Variants in NF1 observed in about 807,000 individuals in gnomAD.
NF1 encodes neurofibromin.
NF1 carries 122 observed loss-of-function variants against 325.7 expected under a neutral mutation model. The ratio of observed to expected loss-of-function variants is 0.37; its 90% CI spans 0.32 to 0.44. The LOEUF is 0.44. Among genes scored for constraint, NF1 ranks in the 20% least tolerant of loss-of-function variants. NF1 has a pLI of 1.00. For missense variants in NF1, 2,140 were observed against 3,415.4 expected (o/e 0.63, Z 9.31); for synonymous variants, 1,091 against 1,186.0 (o/e 0.92, Z 1.65).
intron 57 of NF1, 145 bp from the exon 58 acceptor site, chr17:31,373,868 G>A (rs982812636): frequency 5.0e-6 from 5 of 997,242 alleles, no homozygotes; most frequent in East Asian, 2.6e-5. Context: ...GTTCATGTAA[G>A]TACACTCCAC....
At position 31,282,105 on chromosome 17, in the gene NF1, G is replaced by A. The variant is rs144792431; in HGVS notation, c.4835+16766G>A. ...TTTTTTAAGTATACAATTTTGGGCCGGGCGTGGTGGTTCACGCCTGTAATC... is the reference window on the plus strand; with the variant it reads ...TTTTTTAAGTATACAATTTTGGGCCAGGCGTGGTGGTTCACGCCTGTAATC... On this transcript the variant is annotated intron_variant, in intron 36 of 57. Coordinates refer to ENST00000358273, the MANE Select transcript of NF1 (RefSeq NM_001042492.3). Among the ~76,000 whole-genome samples the A allele has an allele frequency of 4.5e-3, 683 of 151,780 alleles. 7 individuals are homozygous for A. Among genetic ancestry groups the A allele is most frequent in the African/African-American group, 0.016 (650 of 41,370 alleles).
chr17:31,129,063 A>C (rs151102599), intron 1 of NF1, among the ~76,000 whole-genome samples: 10 of 151,794 alleles, frequency 6.6e-5, no homozygotes, highest in African/African-American at 2.4e-4. Context: ...CACCTTTAAC[A>C]TTTTTTTCTT....
rs1555613555 is a variant in NF1 at position 31,225,117 on chromosome 17, A to G, written c.1868A>G (p.His623Arg). The change falls in exon 17 of 58, where the codon CAC becomes CGC. Residue 623 changes from histidine (H) to arginine (R), a missense_variant. His to Arg is a conservative substitution (Grantham distance 29). Coordinates refer to ENST00000358273, the MANE Select transcript of NF1 (RefSeq NM_001042492.3). The part of the protein sequence containing the change: ...KNKQADRSSC[H>R]FLLFYGVGCD... ...TAGCAGGCAGATAGAAGTTCCTGTC[A>G]CTTTCTCCTTTTTTACGGGGTAGGA... 1.2e-6 allele frequency: 2 copies of G among 1,613,680 alleles called. No homozygotes were observed. The highest frequency in any genetic ancestry group is 8.5e-7 in the Non-Finnish European group (1 of 1,179,716).
intron 27 of NF1, among the ~76,000 whole-genome samples, chr17:31,234,836 A>G (rs2067173912): frequency 6.6e-6 from 1 of 152,156 alleles, no homozygotes; most frequent in Admixed American, 6.5e-5. Flanking sequence ...GCTATGAGCC[A>G]TGATCCTGGC....
chr17:31,270,817 G>A (rs2067880309), intron 36 of NF1, among the ~76,000 whole-genome samples: 1 of 152,112 alleles, frequency 6.6e-6, no homozygotes, highest in Non-Finnish European at 1.5e-5. Context: ...AACCTTCTGA[G>A]ATATTATTAA....
chr17:31,243,115 C>A (rs547171207), intron 29 of NF1, among the ~76,000 whole-genome samples: 5 of 152,166 alleles, frequency 3.3e-5, no homozygotes, highest in African/African-American at 1.2e-4. Flanking sequence ...GGTTATCAAA[C>A]AGACTCTTGT....
At chr17:31,367,750 A>G (rs923670366) in intron 57 of NF1, among the ~76,000 whole-genome samples, 1 of 152,166 alleles carries the variant, frequency 6.6e-6, no homozygotes, top group African/African-American at 2.4e-5. Context: ...GCCTATAATC[A>G]CAGCACTTTG....
In NF1 at chr17:31,332,922, G is replaced by GT. The variant is rs1385473844; in HGVS notation, c.5813-1910dup. On this transcript the variant is annotated intron_variant, in intron 39 of 57. Coordinates refer to ENST00000358273, the MANE Select transcript of NF1 (RefSeq NM_001042492.3). ...AGGATATGAACTCATCATTTTTTAT[G>GT]TTTTTTAAAAAAGAATATTTGTACA... Among the ~76,000 whole-genome samples the GT allele has an allele frequency of 4.8e-5, 2 of 41,692 alleles. 1 individual carries two copies. Among genetic ancestry groups the GT allele is most frequent in the Non-Finnish European group, 2.0e-4 (2 of 9,824 alleles). The allele number at this position is 41,692 out of a possible 152,430, so 27.4% of individuals were successfully genotyped here.
chr17:31,217,849 C>G (rs1448550189), intron 13 of NF1, among the ~76,000 whole-genome samples: 1 of 150,366 alleles, frequency 6.7e-6, no homozygotes, highest in East Asian at 2.0e-4. Context: ...CCTGTAATCC[C>G]AGCTACTCGG....
In NF1 at chr17:31,235,623, C is replaced by T. The variant is rs137854562; in HGVS notation, c.3721C>T (p.Arg1241Ter). The T allele has an allele frequency of 6.2e-7, 1 of 1,614,056 alleles. No homozygotes were observed. The highest frequency in any genetic ancestry group is 1.1e-5 in the South Asian group (1 of 91,084). ...GTTTTGTTCTCAGGATGAACTAGCT[C>T]GAGTTCTGGTTACTCTGTTTGATTC... Reference protein sequence around the residue: ...VPCSQWDELARVLVTLFDSRH... With the variant: ...VPCSQWDELA Residue 1241 changes from arginine (R) to a stop codon, truncating the protein, a stop_gained, in exon 28 of 58, where the codon CGA (arginine) becomes TGA (stop). Transcript: ENST00000358273. LOFTEE classifies it high-confidence loss of function.
chr17:31,229,769 T>G, intron 21 of NF1, 66 bp from the exon 22 acceptor site: 3 of 1,592,994 alleles, frequency 1.9e-6, no homozygotes, highest in Non-Finnish European at 2.6e-6. Context: ...GTCAGTTTCA[T>G]CTCTCTAGGG....
intron 36 of NF1, among the ~76,000 whole-genome samples, chr17:31,280,202 T>A (rs1378879837): frequency 6.6e-6 from 1 of 151,184 alleles, no homozygotes; most frequent in African/African-American, 2.4e-5. Flanking sequence ...ATATAAAGTT[T>A]TTTTTTAATT....
At chr17:31,368,346 G>T (rs1360425406) in intron 57 of NF1, among the ~76,000 whole-genome samples, 1 of 151,972 alleles carries the variant, frequency 6.6e-6, no homozygotes, top group Admixed American at 6.6e-5. Flanking sequence ...CACCATTTTG[G>T]CCAGGCTGGT....
chr17:31,181,661 A>G (rs1344467215), intron 6 of NF1, 49 bp from the exon 7 acceptor site: 1 of 1,394,032 alleles, frequency 7.2e-7, no homozygotes, highest in Non-Finnish European at 1.0e-6. Context: ...CATTTTATTT[A>G]CTGTATTACA....
chr17:31,337,938 A>G (rs2069721284), intron 44 of NF1, 58 bp downstream of exon 44: 1 of 1,543,942 alleles, frequency 6.5e-7, no homozygotes, highest in Non-Finnish European at 8.9e-7. Flanking sequence ...AAATACAGCT[A>G]TTACTGTATG....
At chr17:31,359,138 T>C (rs2070344137) in intron 56 of NF1, 123 bp downstream of exon 56, 1 of 823,548 alleles carries the variant, frequency 1.2e-6, no homozygotes, top group East Asian at 2.6e-5. Context: ...TAAACACATA[T>C]GTTACTTTTA....
intron 56 of NF1, chr17:31,359,306 A>G (rs2151586497): frequency 2.4e-6 from 1 of 408,894 alleles, no homozygotes; most frequent in East Asian, 4.7e-5. Context: ...TGTGTATTTG[A>G]TAATCTTAAT....
intron 1 of NF1, chr17:31,095,599 G>A (rs1270193380): frequency 1.8e-6 from 1 of 565,738 alleles, no homozygotes; most frequent in South Asian, 2.1e-5. Context: ...AAGTCGGGGG[G>A]TGGGGCCTTG....
intron 1 of NF1, among the ~76,000 whole-genome samples, chr17:31,155,176 C>T (rs959871078): frequency 2.0e-5 from 3 of 152,020 alleles, no homozygotes; most frequent in African/African-American, 7.3e-5. Flanking sequence ...CACAGAGGAA[C>T]ATTGCTAGGT....
Sources: allele counts gnomAD v4.1 joint callset (sites outside exome capture counted in the v4.1 genomes callset), GRCh38; gene constraint gnomAD v4.1.1; transcripts MANE v1.5; gene names NCBI Gene and HGNC (gene_info 2026-07-23, HGNC 2026-07-21).